CNBD1: variants seen among roughly 807,000 people sequenced by gnomAD.
CNBD1 encodes cyclic nucleotide-binding domain-containing protein 1.
CNBD1 carries 71 observed loss-of-function variants against 54.4 expected under a neutral mutation model. That is an observed-to-expected ratio of 1.30 (90% CI 1.08 to 1.59). CNBD1 has a LOEUF of 1.59. CNBD1 is among the 40% of genes most tolerant of loss of function. CNBD1 has a pLI of 0.00. For synonymous variants in CNBD1, 182 were observed against 170.7 expected, an observed-to-expected ratio of 1.07 and a Z score of -0.51; for missense variants, 659 against 518.0, an observed-to-expected ratio of 1.27 and a Z score of -2.64.
intron 4 of CNBD1, among the ~76,000 whole-genome samples, chr8:87,168,805 G>T (rs1219428989): frequency 6.6e-6 from 1 of 152,020 alleles, no homozygotes; most frequent in South Asian, 2.1e-4. Flanking sequence ...CTGTGTATAT[G>T]TGCCACATTT....
chr8:87,038,319 T>C (rs766331173), intron 4 of CNBD1, among the ~76,000 whole-genome samples: 2 of 152,182 alleles, frequency 1.3e-5, no homozygotes, highest in Non-Finnish European at 1.5e-5. Context: ...CTGAGTTTAA[T>C]TGACGCGAGA....
intron 4 of CNBD1, among the ~76,000 whole-genome samples, chr8:86,988,637 C>A (rs1808665564): frequency 6.6e-6 from 1 of 152,108 alleles, no homozygotes; most frequent in Non-Finnish European, 1.5e-5. Context: ...TTCATTCTAT[C>A]TAACTATATT....
intron 8 of CNBD1, among the ~76,000 whole-genome samples, chr8:87,348,186 A>G (rs1810212458): frequency 6.6e-6 from 1 of 152,188 alleles, no homozygotes; most frequent in Non-Finnish European, 1.5e-5. Context: ...GTATAATTGG[A>G]AATTAATCAA....
At chr8:87,113,392 C>T (rs1169455994) in intron 4 of CNBD1, among the ~76,000 whole-genome samples, 1 of 152,186 alleles carries the variant, frequency 6.6e-6, no homozygotes, top group Non-Finnish European at 1.5e-5. Context: ...ACCTTTCTGA[C>T]TGTTTCCTCT....
intron 5 of CNBD1, among the ~76,000 whole-genome samples, chr8:87,235,595 T>C (rs761759991): frequency 2.0e-5 from 3 of 152,170 alleles, no homozygotes; most frequent in East Asian, 1.9e-4. Flanking sequence ...CATTATCTTA[T>C]ATGTGCATAG....
At chr8:86,884,223 C>A (rs1262397043) in intron 1 of CNBD1, among the ~76,000 whole-genome samples, 2 of 152,092 alleles carry the variant, frequency 1.3e-5, no homozygotes, top group African/African-American at 4.8e-5. Flanking sequence ...ACCACTCCCC[C>A]ACTGCCCCCA....
intron 4 of CNBD1, among the ~76,000 whole-genome samples, chr8:87,021,805 T>C (rs965334579): frequency 5.9e-5 from 9 of 152,132 alleles, no homozygotes; most frequent in Admixed American, 5.2e-4. Flanking sequence ...TGAATAAAAA[T>C]GTAAAGAAAA....
chr8:86,937,767 G>T (rs1312276436), intron 3 of CNBD1, among the ~76,000 whole-genome samples: 4 of 151,952 alleles, frequency 2.6e-5, no homozygotes, highest in Non-Finnish European at 5.9e-5. Context: ...GCTTGTGATG[G>T]TGGGGGCTGC....
chr8:86,971,288 A>G (rs994397960), intron 4 of CNBD1, among the ~76,000 whole-genome samples: 1 of 152,118 alleles, frequency 6.6e-6, no homozygotes, highest in Non-Finnish European at 1.5e-5. Context: ...AAACATTTTT[A>G]TACCATCAGA....
At chr8:87,191,083 A>C (rs1204293626) in intron 4 of CNBD1, among the ~76,000 whole-genome samples, 1 of 151,790 alleles carries the variant, frequency 6.6e-6, no homozygotes, top group African/African-American at 2.4e-5. Context: ...TGCCATCTGT[A>C]AGCTGGGGAA....
At chr8:86,963,925 T>C (rs1808004144) in intron 4 of CNBD1, among the ~76,000 whole-genome samples, 1 of 152,174 alleles carries the variant, frequency 6.6e-6, no homozygotes, top group Admixed American at 6.5e-5. Context: ...CAGTCTGCCC[T>C]CCAATGATCT....
At chr8:87,293,024 C>T (rs533760340) in intron 8 of CNBD1, among the ~76,000 whole-genome samples, 76 of 152,234 alleles carry the variant, frequency 5.0e-4, no homozygotes, top group African/African-American at 1.7e-3. Flanking sequence ...AGTTAGATCG[C>T]AAGAGTCTGC....
At chr8:87,080,369 G>T (rs1216542206) in intron 4 of CNBD1, among the ~76,000 whole-genome samples, 1 of 152,032 alleles carries the variant, frequency 6.6e-6, no homozygotes, top group Admixed American at 6.6e-5. Context: ...GGATGACAAG[G>T]TCAGGAGTTT....
intron 5 of CNBD1, among the ~76,000 whole-genome samples, chr8:87,210,722 T>C (rs1014270224): frequency 7.9e-5 from 12 of 152,162 alleles, no homozygotes; most frequent in Non-Finnish European, 1.8e-4. Context: ...CTTGGCAGCC[T>C]CTGCCAAGAT....
Position 87,059,113 on chromosome 8 carries a change from C to A in CNBD1, c.431+119359C>A, listed in dbSNP as rs574487723. On this transcript the variant is annotated intron_variant, in intron 4 of 10. Transcript: ENST00000518476. ...AAGCACAGCAAGAGTCACCTTTGCT[C>A]TAGCTCCCAACAAGTTTCTCATCTC... Among the ~76,000 whole-genome samples, 10 of 152,298 alleles carry A rather than the reference C, an allele frequency of 6.6e-5. No homozygotes were observed. In the South Asian group the frequency reaches 2.1e-3, roughly 32 times the overall value.
intron 8 of CNBD1, among the ~76,000 whole-genome samples, chr8:87,351,375 A>T (rs530298989): frequency 6.6e-6 from 1 of 152,312 alleles, no homozygotes; most frequent in African/African-American, 2.4e-5. Flanking sequence ...GAACTCAGCA[A>T]ATGCTACAGA....
rs114589844 is a variant in CNBD1 at position 86,965,363 on chromosome 8, G to T, written c.431+25609G>T. 5.8e-3 allele frequency among the ~76,000 whole-genome samples: 889 copies of T among 152,196 alleles called. 10 individuals are homozygous for T. Among genetic ancestry groups the T allele is most frequent in the African/African-American group, 0.019 (808 of 41,526 alleles). ...AGCCAGATACTCTCAGTTGCTCCAG[G>T]ACCTCCATCCAGTCCCAAGTGACTG... is the stretch of plus-strand genomic sequence containing the variant. On this transcript the variant is annotated intron_variant, in intron 4 of 10. Transcript: ENST00000518476.
At chr8:87,116,294 T>C (rs1051427560) in intron 4 of CNBD1, among the ~76,000 whole-genome samples, 1 of 145,844 alleles carries the variant, frequency 6.9e-6, no homozygotes, top group Non-Finnish European at 1.5e-5. Context: ...CTCAAGATCC[T>C]GGGCTCAAGT....
intron 8 of CNBD1, among the ~76,000 whole-genome samples, chr8:87,320,201 A>G (rs978024883): frequency 1.3e-5 from 2 of 152,064 alleles, no homozygotes; most frequent in African/African-American, 2.4e-5. Context: ...TTAACTTTTT[A>G]TTGTTTGCCT....
Sources: allele counts gnomAD v4.1 joint callset (sites outside exome capture counted in the v4.1 genomes callset), GRCh38; gene constraint gnomAD v4.1.1; transcripts MANE v1.5; gene names NCBI Gene and HGNC (gene_info 2026-07-23, HGNC 2026-07-21).